The following IP6K2 variants were observed in gnomAD, a reference collection of about 807,000 sequenced individuals.
The protein encoded by IP6K2 is inositol hexakisphosphate kinase 2, also known as ATP:1D-myo-inositol-hexakisphosphate phosphotransferase.
In IP6K2, 9 loss-of-function variants were observed where a neutral mutation model predicts 43.3. That is an observed-to-expected ratio of 0.21 (90% confidence interval 0.13 to 0.36). The LOEUF (loss-of-function observed/expected upper bound fraction) is 0.36. IP6K2 is among the 10% of genes least tolerant of loss of function. The pLI is 1.00. For missense variants in IP6K2, 332 were observed against 538.4 expected, an observed-to-expected ratio of 0.62 and a Z score of 3.79; for synonymous variants, 209 against 202.4, an observed-to-expected ratio of 1.03 and a Z score of -0.28.
intron 1 of IP6K2, among the ~76,000 whole-genome samples, chr3:48,716,806 T>C (rs755199789): frequency 2.0e-5 from 3 of 152,080 alleles, no homozygotes; most frequent in Non-Finnish European, 2.9e-5. Flanking sequence ...GACCCCTCAA[T>C]GACACCGTAG....
intron 1 of IP6K2, among the ~76,000 whole-genome samples, chr3:48,704,902 A>G (rs924771994): frequency 1.3e-5 from 2 of 151,644 alleles, no homozygotes; most frequent in African/African-American, 2.4e-5. Context: ...CCTCCCGAGT[A>G]GCTGAGATTA....
In IP6K2 at chr3:48,692,489, C is replaced by T. The variant is rs1366677741; in HGVS notation, c.428+465G>A. ...AATTCCATGGGACTACGTCAACCTA[C>T]TTAGCTACATTACATGTACTTTACT... On this transcript the variant is annotated intron_variant, in intron 3 of 5. Coordinates refer to ENST00000328631, the MANE Select transcript of IP6K2 (RefSeq NM_016291.4). Among the ~76,000 whole-genome samples, 5 of 152,226 alleles carry T rather than the reference C, an allele frequency of 3.3e-5. No individual in the cohort carries two copies. The East Asian group carries it at 9.6e-4, about 29-fold the overall frequency.
Position 48,688,636 on chromosome 3 carries a change from A to G in IP6K2, c.918T>C (p.Pro306=), listed in dbSNP as rs1384302170. 8 of 1,614,120 alleles carry G rather than the reference A, an allele frequency of 5.0e-6. No homozygotes were observed. The highest frequency in any genetic ancestry group is 5.9e-6 in the Non-Finnish European group (7 of 1,180,040). The change falls in exon 6 of 6, where the codon CCT becomes CCC. Residue 306 remains proline (P), a synonymous_variant. Transcript: ENST00000328631. This position sits in a 1 kb window ranked among gnomAD's most constrained non-coding sequence, Gnocchi z 5.1. ...TGAGCTCAGTCAGCTTCTTGAGCACAGGGCCCAGGAGTTCACGGCGCAGGT... is the reference window on the plus strand; with the variant it reads ...TGAGCTCAGTCAGCTTCTTGAGCACGGGGCCCAGGAGTTCACGGCGCAGGT... ...GRYLRRELLG[P]VLKKLTELKA...
chr3:48,688,763 G>A lies in IP6K2; in HGVS notation c.791C>T (p.Ala264Val). Reference protein sequence around the residue: ...VRVCGMQVYQAGSGQLMFMNK... With the variant: ...VRVCGMQVYQVGSGQLMFMNK... ...CATGAACATGAGCTGCCCACTGCCT[G>A]CTTGGTACACCTGTAGGAGAGAGAC... is the stretch of plus-strand genomic sequence containing the variant. The change falls in exon 6 of 6, where the codon GCA becomes GTA. Residue 264 changes from alanine to valine, a missense_variant. Physicochemically the swap from Ala to Val is moderately conservative, Grantham distance 64. Coordinates refer to ENST00000328631, the MANE Select transcript of IP6K2 (RefSeq NM_016291.4). This position sits in a 1 kb window ranked among gnomAD's most constrained non-coding sequence, Gnocchi z 5.1. 3 of 1,609,600 alleles carry A rather than the reference G, an allele frequency of 1.9e-6. No homozygotes were observed. Among genetic ancestry groups the A allele is most frequent in the Non-Finnish European group, 2.5e-6 (3 of 1,177,426 alleles).
intron 1 of IP6K2, among the ~76,000 whole-genome samples, chr3:48,701,409 A>T (rs960728206): frequency 2.0e-5 from 3 of 151,838 alleles, no homozygotes; most frequent in Non-Finnish European, 4.4e-5. Flanking sequence ...TCTACTAAAA[A>T]TACAAAAAGT....
chr3:48,716,746 C>G (rs1042176423), intron 1 of IP6K2, among the ~76,000 whole-genome samples: 1 of 152,142 alleles, frequency 6.6e-6, no homozygotes, highest in Non-Finnish European at 1.5e-5. Flanking sequence ...GGGAAGACCC[C>G]TCCACCCGCC....
chr3:48,690,700 A>G (rs1409577577), intron 4 of IP6K2, among the ~76,000 whole-genome samples: 2 of 151,788 alleles, frequency 1.3e-5, no homozygotes, highest in Non-Finnish European at 2.9e-5. Context: ...GAGGCATGAG[A>G]ATCGCTTGAA....
intron 2 of IP6K2, chr3:48,694,843 T>G (rs778063050): frequency 1.3e-6 from 2 of 1,536,944 alleles, no homozygotes; most frequent in Non-Finnish European, 1.7e-6. Context: ...AAAACACAAC[T>G]ACACTTCTAC....
At chr3:48,709,763 G>A (rs1247514549) in intron 1 of IP6K2, among the ~76,000 whole-genome samples, 1 of 151,850 alleles carries the variant, frequency 6.6e-6, no homozygotes, top group East Asian at 1.9e-4. Context: ...CTTGAACCTA[G>A]GAGGCGGAGC....
chr3:48,694,646 C>A, intron 2 of IP6K2: 1 of 1,510,194 alleles, frequency 6.6e-7, no homozygotes, highest in Non-Finnish European at 8.8e-7. Flanking sequence ...TCAGCACAGG[C>A]CTCCCACTCC....
intron 1 of IP6K2, among the ~76,000 whole-genome samples, chr3:48,713,065 T>C (rs2080748062): frequency 6.6e-6 from 1 of 152,136 alleles, no homozygotes; most frequent in African/African-American, 2.4e-5. Flanking sequence ...CTAGGGCACA[T>C]AAAAATCTGA....
chr3:48,697,687 TA>T (rs35941761), intron 1 of IP6K2, among the ~76,000 whole-genome samples: 1 of 150,838 alleles, frequency 6.6e-6, no homozygotes, highest in Admixed American at 6.6e-5. Context: ...ACTGTTTTCT[TA>T]AAAAAAAGTC....
rs1559521815 is a variant in IP6K2 at position 48,695,707 on chromosome 3, C to G, written c.-130-286G>C. Reference sequence around the variant, plus strand: ...TAGAAAGCCACTGCCGCAGGCAAAACTGATGCCATGGTGAGGTGAAATCAC... The same window carrying G: ...TAGAAAGCCACTGCCGCAGGCAAAAGTGATGCCATGGTGAGGTGAAATCAC... On this transcript the variant is annotated intron_variant, in intron 1 of 5. Transcript: ENST00000328631. The surrounding 1 kb of genome is among the most constrained non-coding windows in gnomAD (Gnocchi z 4.6). 6.2e-6 allele frequency: 2 copies of G among 322,646 alleles called. No individual in the cohort carries two copies. The highest frequency in any genetic ancestry group is 4.9e-5 in the Admixed American group (1 of 20,288). The allele number at this position is 322,646 out of a possible 1,614,324, so 20.0% of individuals were successfully genotyped here.
At chr3:48,694,037 A>G in intron 2 of IP6K2, 1 of 1,428,458 alleles carries the variant, frequency 7.0e-7, no homozygotes, top group Non-Finnish European at 9.2e-7. Context: ...CTGCCCCAGC[A>G]TCACTCAATC....
chr3:48,692,817 T>C, intron 3 of IP6K2, 137 bp downstream of exon 3: 3 of 689,138 alleles, frequency 4.4e-6, no homozygotes, highest in South Asian at 3.5e-5. Flanking sequence ...GAGTATGCCA[T>C]GTGGGAATTA....
In IP6K2 at chr3:48,689,603, T is replaced by C; in HGVS notation, c.715A>G (p.Asn239Asp). The C allele has an allele frequency of 6.2e-7, 1 of 1,614,214 alleles. No homozygotes were observed. The highest frequency in any genetic ancestry group is 8.5e-7 in the Non-Finnish European group (1 of 1,180,048). The change falls in exon 5 of 6, where the codon AAC (asparagine) becomes GAC (aspartate). Residue 239 changes from asparagine (N) to aspartate (D), a missense_variant. Coordinates refer to ENST00000328631, the MANE Select transcript of IP6K2 (RefSeq NM_016291.4). ...CTCTGCTGACATTTTCGGATCTGGT[T>C]GGCTGCCTTCTCCTCTGAAGCATCA... ...GDDASEEKAA[N>D]QIRKCQQSTS...
intron 2 of IP6K2, chr3:48,693,916 T>G: frequency 1.5e-6 from 2 of 1,295,894 alleles, no homozygotes; most frequent in Non-Finnish European, 9.8e-7. Context: ...GAACCTGCCA[T>G]GAGTAATTAA....
Position 48,688,803 on chromosome 3 carries a change from C to T in IP6K2, c.781-30G>A, listed in dbSNP as rs369147001. On this transcript the variant is annotated intron_variant, in intron 5 of 5. Coordinates refer to ENST00000328631, the MANE Select transcript of IP6K2 (RefSeq NM_016291.4). This position sits in a 1 kb window ranked among gnomAD's most constrained non-coding sequence, Gnocchi z 5.1. ...AGGAGAGAGACCAGCAAGTCAGGGG[C>T]TGAGGGCCATCTCAAACCCTGGACC... 9.7e-5 allele frequency: 152 copies of T among 1,572,588 alleles called. 1 individual carries two copies. Among genetic ancestry groups the T allele is most frequent in the Middle Eastern group, 1.7e-4 (1 of 5,806 alleles).
At position 48,698,883 on chromosome 3, in the gene IP6K2, G is replaced by A. The variant is rs780179614; in HGVS notation, c.-130-3462C>T. Among the ~76,000 whole-genome samples, 13 of 152,260 alleles carry A rather than the reference G, an allele frequency of 8.5e-5. No homozygotes were observed. The East Asian group carries it at 2.3e-3, about 27-fold the overall frequency. On this transcript the variant is annotated intron_variant, in intron 1 of 5. Coordinates refer to ENST00000328631, the MANE Select transcript of IP6K2 (RefSeq NM_016291.4). ...GAGCCCAGGACATTGAGGCTGCAGT[G>A]AGCCATGACTGAGCCACTGCACTCC... is the stretch of plus-strand genomic sequence containing the variant.
Sources: allele counts gnomAD v4.1 joint callset (sites outside exome capture counted in the v4.1 genomes callset), GRCh38; gene constraint gnomAD v4.1.1; non-coding constraint Gnocchi (gnomAD v3.1); transcripts MANE v1.5; gene names NCBI Gene and HGNC (gene_info 2026-07-23, HGNC 2026-07-21).